The following SHPRH variants were observed in gnomAD, a reference collection of about 807,000 sequenced individuals.
SHPRH encodes SNF2 histone linker PHD RING helicase.
Under a neutral mutation model 202.5 loss-of-function variants are expected in SHPRH, and 106 were observed. The ratio of observed to expected loss-of-function variants is 0.52; its 90% confidence interval spans 0.45 to 0.62. The LOEUF is 0.62. SHPRH is among the 20% of genes least tolerant of loss of function. SHPRH has a pLI of 0.00. For synonymous variants in SHPRH, 729 were observed against 686.0 expected (o/e 1.06, Z -0.98); for missense variants, 1,710 against 2,020.0 (o/e 0.85, Z 2.94).
intron 2 of SHPRH, among the ~76,000 whole-genome samples, chr6:145,867,619 TATATATATATATAGAGAG>T (rs1210889835): frequency 4.3e-5 from 3 of 70,310 alleles, no homozygotes; most frequent in African/African-American, 1.4e-4. Context: ...TATATATATA[TATATATATATATAGAGAG>T]AGAGAGAGAG....
chr6:145,922,398 T>A (rs752556838), intron 19 of SHPRH, 50 bp from the exon 20 acceptor site: 2 of 1,529,878 alleles, frequency 1.3e-6, no homozygotes, highest in Non-Finnish European at 1.7e-6. Flanking sequence ...ACCAGCAATC[T>A]GGTAATTTTA....
intron 25 of SHPRH, among the ~76,000 whole-genome samples, chr6:145,900,050 G>A (rs1228812171): frequency 1.3e-5 from 2 of 152,076 alleles, no homozygotes; most frequent in Non-Finnish European, 2.9e-5. Context: ...GTACACCATT[G>A]GTGGCAATAC....
intron 11 of SHPRH, among the ~76,000 whole-genome samples, chr6:145,936,937 C>A (rs1044534592): frequency 6.6e-6 from 1 of 151,184 alleles, no homozygotes; most frequent in African/African-American, 2.4e-5. Flanking sequence ...CTCAACTTGC[C>A]GAAATCTCAA....
chr6:145,951,298 T>C (rs1053861388), intron 3 of SHPRH, among the ~76,000 whole-genome samples: 2 of 152,082 alleles, frequency 1.3e-5, no homozygotes, highest in Non-Finnish European at 2.9e-5. Context: ...TATTTCTGAA[T>C]TGCTTTGAAA....
intron 28 of SHPRH, among the ~76,000 whole-genome samples, chr6:145,892,139 C>T (rs1192039311): frequency 1.3e-5 from 2 of 152,098 alleles, no homozygotes; most frequent in South Asian, 2.1e-4. Context: ...CATCTCCTGC[C>T]GATGATCTCT....
At chr6:145,932,965 C>CG in intron 14 of SHPRH, 92 bp downstream of exon 14, 9 of 1,178,170 alleles carry the variant, frequency 7.6e-6, no homozygotes, top group Non-Finnish European at 1.0e-5. Context: ...GGGGAAAAAT[C>CG]CCCCCCCCAA....
At chr6:145,902,651 G>C (rs1252653341) in intron 25 of SHPRH, among the ~76,000 whole-genome samples, 1 of 152,046 alleles carries the variant, frequency 6.6e-6, no homozygotes, top group Admixed American at 6.6e-5. Flanking sequence ...AAAAAAGAGG[G>C]CGCAATATTA....
chr6:145,962,006 C>T (rs1789135974), intron 1 of SHPRH, among the ~76,000 whole-genome samples: 1 of 152,164 alleles, frequency 6.6e-6, no homozygotes, highest in South Asian at 2.1e-4. Context: ...TTATTCATAC[C>T]TTATCAGTCA....
intron 20 of SHPRH, 147 bp from the exon 21 acceptor site, chr6:145,921,539 A>AT: frequency 1.5e-6 from 1 of 663,694 alleles, no homozygotes; most frequent in Non-Finnish European, 2.3e-6. Flanking sequence ...AAATTTGGCC[A>AT]GTTTTTTTTT....
downstream of SHPRH, chr6:145,884,695 T>C (rs1228255989): frequency 6.6e-6 from 1 of 152,148 alleles, no homozygotes; most frequent in Non-Finnish European, 1.5e-5. Context: ...ATGTAATAAA[T>C]GTATATAAAA....
At chr6:145,946,167 G>A (rs1009170779) in intron 7 of SHPRH, 66 bp downstream of exon 7, 1 of 1,161,796 alleles carries the variant, frequency 8.6e-7, no homozygotes, top group Middle Eastern at 2.0e-4. Context: ...ATATCTCTAA[G>A]GATTGCAAGA....
At chr6:145,959,351 T>C (rs1396005919) in intron 1 of SHPRH, among the ~76,000 whole-genome samples, 1 of 152,156 alleles carries the variant, frequency 6.6e-6, no homozygotes. Flanking sequence ...TTTTCTATAT[T>C]TAAATATGTT....
chr6:145,893,548 G>A (rs1781750078), intron 27 of SHPRH, among the ~76,000 whole-genome samples, 155 bp from the exon 28 acceptor site: 1 of 152,130 alleles, frequency 6.6e-6, no homozygotes, highest in Admixed American at 6.6e-5. Flanking sequence ...TTTAGAAAAT[G>A]TAAACTTGTC....
In SHPRH at chr6:145,945,414, C is replaced by T. The variant is rs756694091; in HGVS notation, c.1545G>A (p.Lys515=). The change falls in exon 8 of 30, where the codon AAG becomes AAA. Residue 515 remains lysine, a synonymous_variant. Transcript: ENST00000275233. ...TTGTTTTATCACATATATCCTCTTC[C>T]TTGTAATTCTTTCCCAATGTAAAAG... is the stretch of plus-strand genomic sequence containing the variant. ...SGTFTLGKNY[K]EEDICDKTKK... is the part of the protein sequence containing the mutation. 1 of 1,612,606 alleles carries T rather than the reference C, an allele frequency of 6.2e-7. No individual in the cohort carries two copies. The highest frequency in any genetic ancestry group is 1.7e-5 in the Admixed American group (1 of 59,774).
chr6:145,880,194 A>C (rs1038215762), downstream of SHPRH, among the ~76,000 whole-genome samples: 1 of 152,132 alleles, frequency 6.6e-6, no homozygotes, highest in Non-Finnish European at 1.5e-5. Context: ...TGAGATAATA[A>C]ATTATTATTA....
rs111399973 is a variant in SHPRH at position 145,897,927 on chromosome 6, G to A, written c.4516-2950C>T. 7.9e-3 allele frequency among the ~76,000 whole-genome samples: 1,207 copies of A among 152,176 alleles called. 5 individuals carry two copies. The highest frequency in any genetic ancestry group is 0.01 in the Non-Finnish European group (706 of 67,994). On this transcript the variant is annotated intron_variant, in intron 25 of 29. Coordinates refer to ENST00000275233, the MANE Select transcript of SHPRH (RefSeq NM_001042683.3). ...ATAGCATCATATTCAATGGTGAAAA[G>A]CTCAAAGCTTTTCCTTTAAGATCAG...
intron 24 of SHPRH, 112 bp downstream of exon 24, chr6:145,913,366 T>C (rs1783667103): frequency 1.1e-6 from 1 of 922,070 alleles, no homozygotes; most frequent in Admixed American, 2.4e-5. Flanking sequence ...ATGGTAATAC[T>C]TGCCTTTCAT....
At chr6:145,918,031 A>T in intron 23 of SHPRH, 100 bp downstream of exon 23, 1 of 799,918 alleles carries the variant, frequency 1.3e-6, no homozygotes, top group Non-Finnish European at 2.0e-6. Context: ...AACACCAAAT[A>T]CTAATTACAA....
At chr6:145,958,344 C>T (rs958106978) in intron 1 of SHPRH, among the ~76,000 whole-genome samples, 11 of 151,864 alleles carry the variant, frequency 7.2e-5, no homozygotes, top group East Asian at 1.9e-4. Flanking sequence ...AAAAGATGCA[C>T]GAGATTTAGA....
Sources: allele counts gnomAD v4.1 joint callset (sites outside exome capture counted in the v4.1 genomes callset), GRCh38; gene constraint gnomAD v4.1.1; transcripts MANE v1.5; gene names NCBI Gene and HGNC (gene_info 2026-07-23, HGNC 2026-07-21).